Variants in PLCE1 observed in about 807,000 individuals in gnomAD.
PLCE1 encodes the protein 1-phosphatidylinositol 4,5-bisphosphate phosphodiesterase epsilon-1.
A neutral mutation model predicts 242.8 loss-of-function variants in PLCE1; 119 were observed. The ratio of observed to expected loss-of-function variants is 0.49; its 90% CI spans 0.42 to 0.57. PLCE1 has a LOEUF of 0.57. PLCE1 is among the 20% of genes least tolerant of loss of function. The pLI is 0.00. For synonymous variants in PLCE1, 945 were observed against 1,017.4 expected (o/e 0.93, Z 1.35); for missense variants, 2,441 against 2,788.8 (o/e 0.88, Z 2.81).
rs1381023155 is a variant in PLCE1, at chr10:94,132,945, A to G, written c.1492+486A>G. Among the ~76,000 whole-genome samples the G allele has an allele frequency of 9.2e-5, 9 of 97,820 alleles. 1 individual carries two copies. In the South Asian group the frequency reaches 3.3e-3, roughly 36 times the overall value. The allele number at this position is 97,820 out of a possible 152,430, so 64.2% of individuals were successfully genotyped here. A position where few individuals can be genotyped will look rare whatever the true frequency, so the allele number is the denominator to read the frequency against. ...AGCCTAGGCAACAGAGTGAGACTCC[A>G]TCTCAAAAAAAAAAAAAAAAAAAAG... On this transcript the variant is annotated intron_variant, in intron 3 of 32. Coordinates refer to ENST00000371380, the MANE Select transcript of PLCE1 (RefSeq NM_016341.4).
intron 27 of PLCE1, 85 bp downstream of exon 27, chr10:94,308,784 G>T (rs2053288366): frequency 3.5e-6 from 3 of 863,364 alleles, no homozygotes; most frequent in Non-Finnish European, 2.0e-6. Flanking sequence ...AAAGTGGTCG[G>T]TGTGAGTTAT....
At chr10:94,227,247 A>T in intron 4 of PLCE1, 59 bp from the exon 5 acceptor site, 1 of 1,555,342 alleles carries the variant, frequency 6.4e-7, no homozygotes, top group South Asian at 1.1e-5. Context: ...GCTTTTGGAA[A>T]AAAAAATTGC....
At chr10:94,124,438 A>G (rs1382307291) in intron 2 of PLCE1, among the ~76,000 whole-genome samples, 1 of 152,006 alleles carries the variant, frequency 6.6e-6, no homozygotes, top group Non-Finnish European at 1.5e-5. Flanking sequence ...AGTATGGATT[A>G]TAGAACAGTA....
At chr10:94,291,931 C>T (rs2052660105) in intron 22 of PLCE1, among the ~76,000 whole-genome samples, 1 of 152,144 alleles carries the variant, frequency 6.6e-6, no homozygotes, top group African/African-American at 2.4e-5. Context: ...TTCCCCTCCC[C>T]ATCCCAAAAG....
At chr10:94,111,758 T>TA (rs1171176131) in intron 2 of PLCE1, among the ~76,000 whole-genome samples, 1 of 152,232 alleles carries the variant, frequency 6.6e-6, no homozygotes, top group African/African-American at 2.4e-5. Flanking sequence ...CGATGGGTAG[T>TA]ACTCAGTTGC....
intron 1 of PLCE1, among the ~76,000 whole-genome samples, chr10:94,020,771 ATTTC>A (rs1265541720): frequency 1.3e-5 from 2 of 151,874 alleles, no homozygotes; most frequent in Non-Finnish European, 2.9e-5. Context: ...TCTTCTGCCC[ATTTC>A]TTAAAAACTT....
intron 25 of PLCE1, among the ~76,000 whole-genome samples, chr10:94,305,551 T>C (rs753866953): frequency 1.2e-4 from 19 of 152,188 alleles, no homozygotes; most frequent in Non-Finnish European, 2.6e-4. Context: ...CCCAAACCCC[T>C]GGGATAACCC....
chr10:94,279,698 G>A, intron 19 of PLCE1, 84 bp from the exon 20 acceptor site: 1 of 1,466,502 alleles, frequency 6.8e-7, no homozygotes, highest in East Asian at 2.3e-5. Flanking sequence ...TAACGATTGT[G>A]TTAAACATCA....
At chr10:94,211,615 G>T (rs1435358589) in intron 4 of PLCE1, among the ~76,000 whole-genome samples, 1 of 152,162 alleles carries the variant, frequency 6.6e-6, no homozygotes, top group Non-Finnish European at 1.5e-5. Context: ...TGACAGCCTT[G>T]GCTATGAAAT....
At chr10:94,194,763 G>A (rs2048768646) in intron 4 of PLCE1, among the ~76,000 whole-genome samples, 1 of 152,184 alleles carries the variant, frequency 6.6e-6, no homozygotes, top group African/African-American at 2.4e-5. Context: ...AGAATTTGAG[G>A]AAATGTGTTT....
In PLCE1 at chr10:94,329,950, T is replaced by A. The variant is rs7096037; in HGVS notation, c.*2007T>A. ...CAGTAGTACAGTTTTAAGTCAAATA[T>A]TCATTCTAACAAATGCACAATGCTG... is the stretch of plus-strand genomic sequence containing the variant. On this transcript the variant is annotated 3_prime_UTR_variant, in exon 33 of 33. Transcript: ENST00000371380. 46,745 of 152,066 alleles carry A rather than the reference T, an allele frequency of 0.31. 7,508 individuals carry two copies. Among genetic ancestry groups the A allele is most frequent in the Middle Eastern group, 0.47 (139 of 294 alleles). 9.4% of individuals were successfully genotyped at this position (152,066 alleles called of 1,614,324 possible). A position where few individuals can be genotyped will look rare whatever the true frequency, so the allele number is the denominator to read the frequency against.
intron 10 of PLCE1, 64 bp from the exon 11 acceptor site, chr10:94,254,829 T>C: frequency 1.3e-6 from 2 of 1,569,768 alleles, no homozygotes; most frequent in South Asian, 1.1e-5. Flanking sequence ...CTCTGGTTTG[T>C]ATTTGGTTCT....
At chr10:94,280,146 C>T (rs2052147297) in intron 20 of PLCE1, 2 of 544,018 alleles carry the variant, frequency 3.7e-6, no homozygotes, top group Admixed American at 3.1e-5. Flanking sequence ...GTCATTCCTA[C>T]GACAAGTTTC....
intron 4 of PLCE1, among the ~76,000 whole-genome samples, chr10:94,219,623 C>T (rs1043614796): frequency 1.3e-5 from 2 of 152,010 alleles, no homozygotes; most frequent in African/African-American, 4.8e-5. Flanking sequence ...GTATGGTCAG[C>T]CTTATGTAAT....
intron 4 of PLCE1, among the ~76,000 whole-genome samples, chr10:94,180,999 T>G (rs2048293888): frequency 6.6e-6 from 1 of 152,192 alleles, no homozygotes; most frequent in African/African-American, 2.4e-5. Context: ...ACAGATAGCT[T>G]TGAAATTCAA....
chr10:94,045,669 T>A (rs548627529), intron 2 of PLCE1, among the ~76,000 whole-genome samples: 1 of 152,230 alleles, frequency 6.6e-6, no homozygotes, highest in Non-Finnish European at 1.5e-5. Context: ...TGGCAGATTC[T>A]GAACCCTAAT....
intron 2 of PLCE1, among the ~76,000 whole-genome samples, chr10:94,095,264 G>A (rs1353925523): frequency 6.6e-6 from 1 of 152,190 alleles, no homozygotes; most frequent in African/African-American, 2.4e-5. Flanking sequence ...GATCCCCTCT[G>A]CAGCATGCCT....
intron 4 of PLCE1, among the ~76,000 whole-genome samples, chr10:94,175,591 C>G (rs1038525959): frequency 1.3e-5 from 2 of 152,096 alleles, no homozygotes; most frequent in African/African-American, 4.8e-5. Context: ...CCTTTTGTTA[C>G]TTTTAAATGT....
intron 3 of PLCE1, among the ~76,000 whole-genome samples, chr10:94,159,995 C>T (rs560483150): frequency 1.5e-4 from 23 of 152,188 alleles, no homozygotes; most frequent in Non-Finnish European, 3.1e-4. Flanking sequence ...ATATATGCCA[C>T]ATTTTCTTAA....
Sources: gnomAD v4.1 joint callset for allele counts (sites outside exome capture counted in the v4.1 genomes callset) on GRCh38, gnomAD v4.1.1 for gene constraint, MANE v1.5 for transcripts, NCBI Gene and HGNC (gene_info 2026-07-23, HGNC 2026-07-21) for gene names.